ENTPD1: variants seen among roughly 807,000 people sequenced by gnomAD.
The protein encoded by ENTPD1 is ATP diphosphohydrolase.
A neutral mutation model predicts 57.0 loss-of-function variants in ENTPD1; 33 were observed. The ratio of observed to expected loss-of-function variants is 0.58; its 90% CI spans 0.44 to 0.77. The LOEUF is 0.77. Ranked by LOEUF, ENTPD1 falls within the 30% of genes least tolerant of loss-of-function variation. The pLI is 0.00. For synonymous variants in ENTPD1, 202 were observed against 218.8 expected, an observed-to-expected ratio of 0.92 and a Z score of 0.68; for missense variants, 501 against 603.4, an observed-to-expected ratio of 0.83 and a Z score of 1.78.
At chr10:95,822,301 G>A (rs2140546618) in intron 1 of ENTPD1, among the ~76,000 whole-genome samples, 1 of 147,518 alleles carries the variant, frequency 6.8e-6, no homozygotes, top group African/African-American at 2.5e-5. Flanking sequence ...CCCGTTTTTG[G>A]TTATTATTTT....
At chr10:95,733,602 T>A (rs1323352833) in intron 1 of ENTPD1, among the ~76,000 whole-genome samples, 2 of 152,232 alleles carry the variant, frequency 1.3e-5, no homozygotes, top group Non-Finnish European at 2.9e-5. Flanking sequence ...GGGGAACTAA[T>A]AAATGTCCAT....
chr10:95,749,182 C>T (rs1352269269), intron 1 of ENTPD1, among the ~76,000 whole-genome samples: 7 of 152,160 alleles, frequency 4.6e-5, no homozygotes, highest in Non-Finnish European at 1.0e-4. Flanking sequence ...CACTTTTCCC[C>T]ATCAATGATT....
chr10:95,742,458 T>C (rs1336013857), intron 1 of ENTPD1, among the ~76,000 whole-genome samples: 1 of 152,112 alleles, frequency 6.6e-6, no homozygotes, highest in Non-Finnish European at 1.5e-5. Context: ...CAGTGACATG[T>C]ATTTGGAAAC....
Position 95,872,591 on chromosome 10 carries a change from C to T in ENTPD1, c.*6208C>T, listed in dbSNP as rs899187478. On this transcript the variant is annotated 3_prime_UTR_variant, in exon 10 of 10. Coordinates refer to ENST00000371205, the MANE Select transcript of ENTPD1 (RefSeq NM_001776.6). ...TGAGCCTCCATTAGTGCACTGAGACCATTCTGTTCAGTGTCTGGGTGAAGC... is the reference window on the plus strand; with the variant it reads ...TGAGCCTCCATTAGTGCACTGAGACTATTCTGTTCAGTGTCTGGGTGAAGC... 14 of 985,280 alleles carry T rather than the reference C, an allele frequency of 1.4e-5. No homozygotes were observed. Among genetic ancestry groups the T allele is most frequent in the Non-Finnish European group, 1.7e-5 (14 of 829,944 alleles). 61.0% of individuals were successfully genotyped at this position (985,280 alleles called of 1,614,324 possible).
intron 1 of ENTPD1, among the ~76,000 whole-genome samples, chr10:95,747,179 A>C (rs1338051444): frequency 1.3e-5 from 2 of 152,202 alleles, no homozygotes; most frequent in Non-Finnish European, 2.9e-5. Flanking sequence ...AAAATCCATT[A>C]TTTTACAGTC....
the ENTPD1 span, among the ~76,000 whole-genome samples, chr10:95,700,372 GA>G: frequency 1.3e-5 from 2 of 152,194 alleles, no homozygotes; most frequent in Non-Finnish European, 2.9e-5. Flanking sequence ...GAAAATGGAA[GA>G]ATTAAATTGG....
At position 95,876,793 on chromosome 10, in the gene ENTPD1, G is replaced by A. The variant is rs550255533; in HGVS notation, c.*10410G>A. 3.7e-5 allele frequency: 15 copies of A among 401,912 alleles called. No individual in the cohort carries two copies. In the East Asian group the frequency reaches 8.1e-4, roughly 22 times the overall value. The allele number at this position is 401,912 out of a possible 1,614,324, so 24.9% of individuals were successfully genotyped here. A position where few individuals can be genotyped will look rare whatever the true frequency, so the allele number is the denominator to read the frequency against. On this transcript the variant is annotated 3_prime_UTR_variant, in exon 10 of 10. Coordinates refer to ENST00000371205, the MANE Select transcript of ENTPD1 (RefSeq NM_001776.6). ...TGATTATCATCATTTAGCCAGTCTT[G>A]AAGAAGCAAGTGCTAATTACAATCA...
At chr10:95,709,942 G>A (rs551781974), upstream of ENTPD1, among the ~76,000 whole-genome samples, 6 of 151,282 alleles carry the variant, frequency 4.0e-5, no homozygotes, top group Non-Finnish European at 7.4e-5. Flanking sequence ...CGCCCAGCTA[G>A]TTTTTGTATT....
At chr10:95,802,201 G>T (rs1413275073) in intron 1 of ENTPD1, among the ~76,000 whole-genome samples, 2 of 152,144 alleles carry the variant, frequency 1.3e-5, no homozygotes, top group African/African-American at 4.8e-5. Context: ...GGGCTACCAG[G>T]CTATAGGTAA....
At chr10:95,849,330 A>C (rs547608353) in intron 7 of ENTPD1, among the ~76,000 whole-genome samples, 15 of 152,348 alleles carry the variant, frequency 9.8e-5, no homozygotes, top group Admixed American at 3.3e-4. Flanking sequence ...TATGCACTAT[A>C]TGTATATTAT....
chr10:95,818,509 T>C (rs2098337633), intron 1 of ENTPD1, among the ~76,000 whole-genome samples: 1 of 152,074 alleles, frequency 6.6e-6, no homozygotes, highest in African/African-American at 2.4e-5. Context: ...GGGATTCTGA[T>C]AGAGAAGATA....
chr10:95,762,169 T>A (rs1220381521), intron 1 of ENTPD1, among the ~76,000 whole-genome samples: 2 of 147,584 alleles, frequency 1.4e-5, no homozygotes, highest in African/African-American at 5.0e-5. Flanking sequence ...GGTGTTTCCT[T>A]CCATAACCAC....
Position 95,857,007 on chromosome 10 carries a change from G to GT in ENTPD1, c.1075-3453dup, listed in dbSNP as rs200953594. ...TATTTAAATTCTATATAATAAACGT[G>GT]TTTTTTTTTAATAAGCCAGCATTTT... On this transcript the variant is annotated intron_variant, in intron 7 of 9. Transcript: ENST00000371205. Among the ~76,000 whole-genome samples, 242 of 150,506 alleles carry GT rather than the reference G, an allele frequency of 1.6e-3. 3 individuals carry two copies. In the East Asian group the frequency reaches 0.036, roughly 22 times the overall value.
chr10:95,698,765 C>A, the ENTPD1 span, among the ~76,000 whole-genome samples: 1 of 152,152 alleles, frequency 6.6e-6, no homozygotes, highest in Admixed American at 6.5e-5. Context: ...CAATTTTTTT[C>A]TTTATAAATT....
chr10:95,845,517 A>C lies in ENTPD1; in HGVS notation c.734A>C (p.Asp245Ala), dbSNP rs758504779. The C allele has an allele frequency of 6.2e-7, 1 of 1,614,214 alleles. No homozygotes were observed. The highest frequency in any genetic ancestry group is 8.5e-7 in the Non-Finnish European group (1 of 1,180,042). ...CTGCAATTTCGCCTCTATGGCAAGG[A>C]CTACAATGTCTACACACATAGCTTC... is the stretch of plus-strand genomic sequence containing the variant. ...NALQFRLYGK[D>A]YNVYTHSFLC... The change falls in exon 6 of 10, where the codon GAC (aspartate) becomes GCC (alanine). Residue 245 changes from aspartate (D) to alanine (A), a missense_variant. Physicochemically the swap from Asp to Ala is moderately radical, Grantham distance 126. Coordinates refer to ENST00000371205, the MANE Select transcript of ENTPD1 (RefSeq NM_001776.6).
intron 1 of ENTPD1, among the ~76,000 whole-genome samples, chr10:95,821,455 C>T (rs1404671973): frequency 2.6e-5 from 4 of 152,186 alleles, no homozygotes; most frequent in Non-Finnish European, 5.9e-5. Context: ...AGACTTGCCC[C>T]AGAAGACTTC....
chr10:95,835,682 G>A lies in ENTPD1; in HGVS notation c.145-4009G>A, dbSNP rs561983146. ...TGGTTTTAACATTCATCTCTCTGAT[G>A]ACCAGTGATGATGAGCATTTTTTCA... On this transcript the variant is annotated intron_variant, in intron 2 of 9. Transcript: ENST00000371205. Among the ~76,000 whole-genome samples the A allele has an allele frequency of 3.1e-3, 477 of 152,266 alleles. 2 individuals carry two copies. The highest frequency in any genetic ancestry group is 4.8e-3 in the Non-Finnish European group (329 of 68,006).
At chr10:95,840,082 T>G (rs900997137) in intron 3 of ENTPD1, among the ~76,000 whole-genome samples, 1 of 152,204 alleles carries the variant, frequency 6.6e-6, no homozygotes, top group Non-Finnish European at 1.5e-5. Context: ...GTACTGAACA[T>G]GTGTTACTTC....
chr10:95,757,439 A>G (rs1029757040), intron 1 of ENTPD1, among the ~76,000 whole-genome samples: 1 of 152,076 alleles, frequency 6.6e-6, no homozygotes, highest in Admixed American at 6.5e-5. Context: ...TCCACTCCCC[A>G]ATACTGTTTC....
Sources: allele counts gnomAD v4.1 joint callset (sites outside exome capture counted in the v4.1 genomes callset), GRCh38; gene constraint gnomAD v4.1.1; transcripts MANE v1.5; gene names NCBI Gene and HGNC (gene_info 2026-07-23, HGNC 2026-07-21).